SULF2: variants seen among roughly 807,000 people sequenced by gnomAD.
The protein encoded by SULF2 is sulfatase 2.
Under a neutral mutation model 107.7 loss-of-function variants are expected in SULF2, and 52 were observed. That is an observed-to-expected ratio of 0.48 (90% CI 0.39 to 0.61). SULF2 has a LOEUF of 0.61. Ranked by LOEUF, SULF2 falls within the 20% of genes least tolerant of loss-of-function variation. The pLI is 0.00. For missense variants in SULF2, 993 were observed against 1,177.3 expected (o/e 0.84, Z 2.29); for synonymous variants, 460 against 464.3 (o/e 0.99, Z 0.12).
intron 4 of SULF2, among the ~76,000 whole-genome samples, chr20:47,693,939 C>A (rs183246761): frequency 6.6e-6 from 1 of 152,314 alleles, no homozygotes; most frequent in Admixed American, 6.5e-5. Flanking sequence ...CAGCTCTCTG[C>A]CACCATTCAG....
intron 3 of SULF2, among the ~76,000 whole-genome samples, chr20:47,727,072 G>T (rs2089464613): frequency 6.7e-6 from 1 of 148,570 alleles, no homozygotes. Context: ...GGGGGGCGGG[G>T]TTTAATGTGT....
rs2087791339 is a variant in SULF2, at chr20:47,680,587, A to G, written c.1065-1783T>C. ...GGGTTTCCGTCATCTTTAACCCCTC[A>G]TCTCTCCCCAGTCCAGTGCCCTGTG... On this transcript the variant is annotated intron_variant, in intron 7 of 20. Transcript: ENST00000688720. This position sits in a 1 kb window ranked among gnomAD's most constrained non-coding sequence, Gnocchi z 4.2. Among the ~76,000 whole-genome samples the G allele has an allele frequency of 6.6e-6, 1 of 152,004 alleles. No individual in the cohort carries two copies. Among genetic ancestry groups the G allele is most frequent in the Admixed American group, 6.6e-5 (1 of 15,256 alleles).
chr20:47,760,981 GTAACT>G (rs1434304707), intron 1 of SULF2, among the ~76,000 whole-genome samples: 1 of 152,216 alleles, frequency 6.6e-6, no homozygotes, highest in Non-Finnish European at 1.5e-5. Flanking sequence ...CCCTGAGCTA[GTAACT>G]TAACACCTTT....
At chr20:47,776,361 G>C (rs1413924632) in intron 1 of SULF2, among the ~76,000 whole-genome samples, 1 of 152,222 alleles carries the variant, frequency 6.6e-6, no homozygotes, top group South Asian at 2.1e-4. Context: ...AGAGCAAGGA[G>C]AGACTTCGTT....
chr20:47,662,349 C>T (rs1457106448), intron 17 of SULF2, among the ~76,000 whole-genome samples: 1 of 152,170 alleles, frequency 6.6e-6, no homozygotes, highest in Non-Finnish European at 1.5e-5. Context: ...TAACCTACCC[C>T]TTTGGTAAAG....
At chr20:47,753,591 T>C (rs975612758) in intron 2 of SULF2, among the ~76,000 whole-genome samples, 1 of 152,256 alleles carries the variant, frequency 6.6e-6, no homozygotes, top group Non-Finnish European at 1.5e-5. Context: ...GCAATGGGTA[T>C]TGGTTTTTTC....
chr20:47,762,810 G>A (rs1029446636), intron 1 of SULF2, among the ~76,000 whole-genome samples: 4 of 152,200 alleles, frequency 2.6e-5, no homozygotes, highest in African/African-American at 9.7e-5. Flanking sequence ...TGGTTTCAGA[G>A]CACCCCCCAC....
chr20:47,691,564 T>C, intron 4 of SULF2, among the ~76,000 whole-genome samples: 1 of 152,306 alleles, frequency 6.6e-6, no homozygotes, highest in South Asian at 2.1e-4. Flanking sequence ...GGATTGAGAA[T>C]CACTGATCCA....
chr20:47,731,639 G>C (rs535292294), intron 3 of SULF2, among the ~76,000 whole-genome samples: 2 of 152,192 alleles, frequency 1.3e-5, no homozygotes, highest in Admixed American at 1.3e-4. Context: ...CCTTGCTCAA[G>C]CAGAACTCAC....
chr20:47,671,011 A>C (rs1001050918), intron 11 of SULF2, among the ~76,000 whole-genome samples: 3 of 152,142 alleles, frequency 2.0e-5, no homozygotes, highest in Non-Finnish European at 2.9e-5. Context: ...CGACGCCTCC[A>C]CACATTTTCA....
chr20:47,730,801 T>C (rs957920301), intron 3 of SULF2, among the ~76,000 whole-genome samples: 80 of 152,126 alleles, frequency 5.3e-4, no homozygotes, highest in African/African-American at 1.8e-3. Context: ...TGTAGTAAAA[T>C]TGTGATCGGC....
At chr20:47,725,935 G>A (rs142945102) in intron 3 of SULF2, among the ~76,000 whole-genome samples, 1 of 152,302 alleles carries the variant, frequency 6.6e-6, no homozygotes, top group East Asian at 1.9e-4. Flanking sequence ...TGCTGGCCCC[G>A]GGATGGATGG....
chr20:47,664,577 CT>C (rs1184939408), intron 14 of SULF2, among the ~76,000 whole-genome samples: 2 of 152,212 alleles, frequency 1.3e-5, no homozygotes, highest in Admixed American at 6.5e-5. Flanking sequence ...ACCACCCTGC[CT>C]ACTCACACTT....
At position 47,663,116 on chromosome 20, in the gene SULF2, G is replaced by A. The variant is rs1376946723; in HGVS notation, c.2324C>T (p.Ala775Val). The A allele has an allele frequency of 2.5e-6, 4 of 1,614,068 alleles. No homozygotes were observed. In the African/African-American group the frequency reaches 4.0e-5, roughly 16 times the overall value. Residue 775 changes from alanine to valine, a missense_variant, in exon 17 of 21, where the codon GCA becomes GTA. By Grantham distance (64) the Ala-to-Val change is moderately conservative (BLOSUM62 0). Coordinates refer to ENST00000688720, the MANE Select transcript of SULF2 (RefSeq NM_001387048.1). ...ETHNFLFCEF[A>V]TGFLEYFDLN... ...ATCAAAGTACTCTAGGAAGCCAGTTGCAAATTCACAGAAGAGGAAATTGTG... is the reference window on the plus strand; with the variant it reads ...ATCAAAGTACTCTAGGAAGCCAGTTACAAATTCACAGAAGAGGAAATTGTG...
In SULF2 at chr20:47,712,422, T is replaced by A. The variant is rs145133969; in HGVS notation, c.416-9752A>T. ...TTGTCCCTGGTCACCCATCCCTCTA[T>A]AGTCACCGGGCTGTTTATTTCCTCT... On this transcript the variant is annotated intron_variant, in intron 3 of 20. Coordinates refer to ENST00000688720, the MANE Select transcript of SULF2 (RefSeq NM_001387048.1). Among the ~76,000 whole-genome samples, 15 of 152,330 alleles carry A rather than the reference T, an allele frequency of 9.8e-5. No homozygotes were observed. The East Asian group carries it at 2.9e-3, about 29-fold the overall frequency.
At chr20:47,708,747 G>A (rs2088828325) in intron 3 of SULF2, among the ~76,000 whole-genome samples, 1 of 152,166 alleles carries the variant, frequency 6.6e-6, no homozygotes. Flanking sequence ...TCTGATGAAT[G>A]CTGGAGTTTA....
chr20:47,765,684 G>C (rs1024462982), intron 1 of SULF2, among the ~76,000 whole-genome samples: 1 of 152,166 alleles, frequency 6.6e-6, no homozygotes, highest in Non-Finnish European at 1.5e-5. Context: ...AATCCTGCCC[G>C]ATTACAACAG....
chr20:47,727,359 C>T (rs1488815151), intron 3 of SULF2, among the ~76,000 whole-genome samples: 1 of 152,118 alleles, frequency 6.6e-6, no homozygotes. Flanking sequence ...GGCCACAAGC[C>T]AAGGGGTGCC....
In SULF2 at chr20:47,666,347, T is replaced by A; in HGVS notation, c.1718A>T (p.Asp573Val). 6.2e-7 allele frequency: 1 copy of A among 1,614,214 alleles called. No homozygotes were observed. The highest frequency in any genetic ancestry group is 8.5e-7 in the Non-Finnish European group (1 of 1,180,056). The change falls in exon 12 of 21, where the codon GAC becomes GTC. Residue 573 changes from aspartate to valine, a missense_variant. Coordinates refer to ENST00000688720, the MANE Select transcript of SULF2 (RefSeq NM_001387048.1). This position sits in a 1 kb window ranked among gnomAD's most constrained non-coding sequence, Gnocchi z 5.4. ...GTCCCCACCATCCTTGTCATCTTGG[T>A]CCTCAGGGGCCCCTGGCCAGTGCCG... is the stretch of plus-strand genomic sequence containing the variant. Reference protein sequence around the residue: ...TKRHWPGAPEDQDDKDGGDFS... With the variant: ...TKRHWPGAPEVQDDKDGGDFS...
Sources: gnomAD v4.1 joint callset for allele counts (sites outside exome capture counted in the v4.1 genomes callset) on GRCh38, gnomAD v4.1.1 for gene constraint, Gnocchi (gnomAD v3.1) non-coding constraint, MANE v1.5 for transcripts, NCBI Gene and HGNC (gene_info 2026-07-23, HGNC 2026-07-21) for gene names.